The following TAB2 variants were observed in gnomAD, a reference collection of about 807,000 sequenced individuals.
TAB2 encodes TGF-beta-activated kinase 1 and MAP3K7-binding protein 2.
Under a neutral mutation model 65.0 loss-of-function variants are expected in TAB2, and 3 were observed. The ratio of observed to expected loss-of-function variants is 0.05; its 90% CI spans 0.02 to 0.12. The LOEUF (loss-of-function observed/expected upper bound fraction) is 0.12. TAB2 is among the 10% of genes least tolerant of loss of function. TAB2 has a pLI of 1.00. For synonymous variants in TAB2, 298 were observed against 285.1 expected (o/e 1.05, Z -0.46); for missense variants, 623 against 840.3 (o/e 0.74, Z 3.20).
At chr6:149,249,402 G>A (rs1013879744) in intron 1 of TAB2, among the ~76,000 whole-genome samples, 4 of 151,510 alleles carry the variant, frequency 2.6e-5, no homozygotes, top group Non-Finnish European at 4.4e-5. Flanking sequence ...TCTAAGCAAA[G>A]GTGTGCTCTC....
chr6:149,234,864 GAA>G (rs386408903), intron 1 of TAB2, among the ~76,000 whole-genome samples: 1,095 of 95,448 alleles, frequency 0.011, 20 homozygotes, highest in African/African-American at 0.04. Flanking sequence ...TAGAGAGTGT[GAA>G]AAAAAAAAAA....
chr6:149,325,702 G>A (rs1380801669), intron 1 of TAB2, among the ~76,000 whole-genome samples: 1 of 152,210 alleles, frequency 6.6e-6, no homozygotes, highest in Non-Finnish European at 1.5e-5. Context: ...TACAAAACTT[G>A]TGCCACTTTA....
intron 2 of TAB2, among the ~76,000 whole-genome samples, chr6:149,373,389 T>C (rs1290648022): frequency 6.6e-6 from 1 of 152,244 alleles, no homozygotes; most frequent in African/African-American, 2.4e-5. Flanking sequence ...AAGTGCCATG[T>C]ACTTAGTGGA....
chr6:149,371,698 T>TA (rs1337639800), intron 2 of TAB2, among the ~76,000 whole-genome samples: 1 of 152,088 alleles, frequency 6.6e-6, no homozygotes, highest in Non-Finnish European at 1.5e-5. Flanking sequence ...ACCAGTAGGG[T>TA]AACTGATTCA....
At chr6:149,386,015 ATCCCCTTCCCATTATAT>A (rs1465295134) in intron 3 of TAB2, among the ~76,000 whole-genome samples, 25 of 152,082 alleles carry the variant, frequency 1.6e-4, no homozygotes, top group Admixed American at 3.3e-4. Flanking sequence ...GATTCACTCA[ATCCCCTTCCCATTATAT>A]TCCCCTTCCC....
chr6:149,277,526 C>T (rs1778498327), intron 1 of TAB2, among the ~76,000 whole-genome samples: 1 of 152,040 alleles, frequency 6.6e-6, no homozygotes, highest in Non-Finnish European at 1.5e-5. Flanking sequence ...CAAATATTAA[C>T]ACCAGTGATT....
intron 1 of TAB2, among the ~76,000 whole-genome samples, chr6:149,264,975 G>T (rs920689870): frequency 6.6e-6 from 1 of 152,170 alleles, no homozygotes; most frequent in African/African-American, 2.4e-5. Context: ...GTCCTATTCT[G>T]CTGTTTTTAC....
chr6:149,386,341 C>G (rs1781808734), intron 3 of TAB2, among the ~76,000 whole-genome samples: 1 of 152,018 alleles, frequency 6.6e-6, no homozygotes, highest in Admixed American at 6.6e-5. Flanking sequence ...TAGTATACAT[C>G]AGTTTTTAGT....
chr6:149,361,136 C>T (rs1301919738), intron 1 of TAB2, among the ~76,000 whole-genome samples: 1 of 152,216 alleles, frequency 6.6e-6, no homozygotes, highest in East Asian at 1.9e-4. Flanking sequence ...CCCAGCCCCA[C>T]TAGGCAGTGC....
chr6:149,320,916 CTTTA>C (rs939029914), intron 1 of TAB2: 4 of 152,136 alleles, frequency 2.6e-5, no homozygotes, highest in African/African-American at 9.7e-5. Context: ...CTTATGTCAT[CTTTA>C]TTTGATCTAA....
intron 1 of TAB2, among the ~76,000 whole-genome samples, chr6:149,280,570 A>G (rs890919741): frequency 6.6e-6 from 1 of 152,184 alleles, no homozygotes; most frequent in Non-Finnish European, 1.5e-5. Flanking sequence ...AAGTTTTCCA[A>G]ATTTGATAAA....
chr6:149,257,029 A>G (rs1778051589), intron 1 of TAB2, among the ~76,000 whole-genome samples: 1 of 152,248 alleles, frequency 6.6e-6, no homozygotes, highest in African/African-American at 2.4e-5. Flanking sequence ...GAATAAAGCT[A>G]GAAACCACAC....
At chr6:149,387,311 C>CT (rs1463260030) in intron 3 of TAB2, among the ~76,000 whole-genome samples, 3 of 152,244 alleles carry the variant, frequency 2.0e-5, no homozygotes, top group African/African-American at 7.2e-5. Context: ...AAGAATCCAA[C>CT]TTCATTCTTT....
intron 1 of TAB2, among the ~76,000 whole-genome samples, chr6:149,368,643 AT>A (rs1448050667): frequency 9.2e-6 from 1 of 109,124 alleles, no homozygotes; most frequent in Non-Finnish European, 1.9e-5. Context: ...GAATGCGAAA[AT>A]TTGTGTGTGT....
At chr6:149,400,156 CAAG>C in intron 6 of TAB2, 1 of 545,968 alleles carries the variant, frequency 1.8e-6, no homozygotes, top group Non-Finnish European at 3.2e-6. Flanking sequence ...TCACCACTCA[CAAG>C]GAGTTGTATG....
chr6:149,285,378 C>T (rs59574684), intron 1 of TAB2, among the ~76,000 whole-genome samples: 30,462 of 152,138 alleles, frequency 0.2, 3,267 homozygotes, highest in East Asian at 0.43. Context: ...CTTGTACATT[C>T]AACTCAGCCT....
chr6:149,261,894 G>C (rs1778159802), intron 1 of TAB2, among the ~76,000 whole-genome samples: 1 of 152,210 alleles, frequency 6.6e-6, no homozygotes, highest in East Asian at 1.9e-4. Flanking sequence ...TTAGCACCCA[G>C]CAGTAGCTCT....
intron 1 of TAB2, among the ~76,000 whole-genome samples, chr6:149,319,512 A>G (rs919088220): frequency 6.6e-6 from 1 of 152,206 alleles, no homozygotes; most frequent in African/African-American, 2.4e-5. Context: ...ATTAGGGTAC[A>G]GTTAGTTTAA....
intron 1 of TAB2, among the ~76,000 whole-genome samples, chr6:149,347,018 A>C (rs975778695): frequency 6.6e-6 from 1 of 152,210 alleles, no homozygotes; most frequent in Non-Finnish European, 1.5e-5. Flanking sequence ...AGATTATCCA[A>C]AAATTAGAGT....
Sources: allele counts gnomAD v4.1 joint callset (sites outside exome capture counted in the v4.1 genomes callset), GRCh38; gene constraint gnomAD v4.1.1; transcripts MANE v1.5; gene names NCBI Gene and HGNC (gene_info 2026-07-23, HGNC 2026-07-21).